Variants in ABL2 observed in about 807,000 individuals in gnomAD.
ABL2 encodes the protein tyrosine-protein kinase ABL2.
Under a neutral mutation model 107.7 loss-of-function variants are expected in ABL2, and 49 were observed. The ratio of observed to expected loss-of-function variants is 0.45; its 90% CI spans 0.36 to 0.58. The LOEUF is 0.58. Among genes scored for constraint, ABL2 ranks in the 20% least tolerant of loss-of-function variants. ABL2 has a pLI of 0.00. For synonymous variants in ABL2, 549 were observed against 548.6 expected, an observed-to-expected ratio of 1.00 and a Z score of -0.01; for missense variants, 1,245 against 1,457.0, an observed-to-expected ratio of 0.85 and a Z score of 2.37.
At chr1:179,188,301 G>A (rs2102814622) in intron 1 of ABL2, among the ~76,000 whole-genome samples, 1 of 152,254 alleles carries the variant, frequency 6.6e-6, no homozygotes, top group Non-Finnish European at 1.5e-5. Flanking sequence ...CAGCACTGTG[G>A]GAAGCCAAGC....
chr1:179,161,326 T>C (rs541418811), intron 1 of ABL2, among the ~76,000 whole-genome samples: 2 of 145,478 alleles, frequency 1.4e-5, no homozygotes, highest in East Asian at 4.0e-4. Flanking sequence ...AAGACTAGCC[T>C]GGACAACACA....
chr1:179,171,112 G>A (rs945405638), intron 1 of ABL2, among the ~76,000 whole-genome samples: 1 of 152,198 alleles, frequency 6.6e-6, no homozygotes, highest in African/African-American at 2.4e-5. Context: ...AATAAAAACA[G>A]AAATCCTCAT....
chr1:179,222,670 T>C (rs540712979), intron 1 of ABL2, among the ~76,000 whole-genome samples: 1 of 152,236 alleles, frequency 6.6e-6, no homozygotes, highest in Admixed American at 6.5e-5. Context: ...ATTACCAGCA[T>C]GAGCCACCGC....
intron 1 of ABL2, among the ~76,000 whole-genome samples, chr1:179,181,806 A>G (rs1456442783): frequency 6.6e-6 from 1 of 151,746 alleles, no homozygotes; most frequent in Non-Finnish European, 1.5e-5. Context: ...TTTGAGACAG[A>G]GTCTCACTCT....
chr1:179,176,278 A>C (rs1015854482), intron 1 of ABL2, among the ~76,000 whole-genome samples: 5 of 152,174 alleles, frequency 3.3e-5, no homozygotes, highest in African/African-American at 1.2e-4. Context: ...TTGATAGCAC[A>C]ACAGGGTGAC....
intron 1 of ABL2, among the ~76,000 whole-genome samples, chr1:179,141,661 C>G (rs938737497): frequency 1.3e-5 from 2 of 152,180 alleles, no homozygotes; most frequent in Admixed American, 6.5e-5. Context: ...GTTTTACGGT[C>G]TTTTTGGTTG....
chr1:179,106,026 C>T lies in ABL2; in HGVS notation c.*1692G>A, dbSNP rs1390373505. 1.8e-5 allele frequency: 4 copies of T among 218,756 alleles called. No individual in the cohort carries two copies. The highest frequency in any genetic ancestry group is 3.7e-5 in the Non-Finnish European group (4 of 109,016). The allele number at this position is 218,756 out of a possible 1,614,324, so 13.6% of individuals were successfully genotyped here. ...ATTAAGAGATGAGGCTGTGGTTTGACAGTGTATCAATGACAGAGCCAGAAG... is the reference window on the plus strand; with the variant it reads ...ATTAAGAGATGAGGCTGTGGTTTGATAGTGTATCAATGACAGAGCCAGAAG... On this transcript the variant is annotated 3_prime_UTR_variant, in exon 12 of 12. Transcript: ENST00000502732.
At chr1:179,213,315 T>C (rs781460640) in intron 1 of ABL2, among the ~76,000 whole-genome samples, 4 of 152,064 alleles carry the variant, frequency 2.6e-5, no homozygotes, top group African/African-American at 7.2e-5. Context: ...TTTACGCTTA[T>C]TTTTATTTTT....
intron 1 of ABL2, among the ~76,000 whole-genome samples, chr1:179,224,041 G>A (rs1663033159): frequency 7.0e-6 from 1 of 143,872 alleles, no homozygotes; most frequent in Non-Finnish European, 1.5e-5. Context: ...AGAGGTGAGA[G>A]GATCACTTGA....
intron 1 of ABL2, among the ~76,000 whole-genome samples, chr1:179,222,757 C>T (rs767044633): frequency 6.6e-6 from 1 of 151,790 alleles, no homozygotes; most frequent in Non-Finnish European, 1.5e-5. Flanking sequence ...CATGTCAGAT[C>T]CTTTAAAGAT....
chr1:179,114,029 C>T (rs867464940), intron 9 of ABL2, among the ~76,000 whole-genome samples: 4 of 151,686 alleles, frequency 2.6e-5, no homozygotes, highest in Admixed American at 6.6e-5. Context: ...CTAAGGCGGG[C>T]GCATCACTTG....
intron 1 of ABL2, among the ~76,000 whole-genome samples, chr1:179,224,820 G>A (rs1663100778): frequency 6.8e-6 from 1 of 146,582 alleles, no homozygotes; most frequent in South Asian, 2.1e-4. Flanking sequence ...TTTGAGACCA[G>A]CCTGAGCAAC....
intron 3 of ABL2, among the ~76,000 whole-genome samples, chr1:179,129,737 G>A (rs1018129125): frequency 2.6e-5 from 4 of 151,076 alleles, no homozygotes; most frequent in East Asian, 1.9e-4. Flanking sequence ...CAAATTTTAC[G>A]TAAAATGTTC....
chr1:179,107,774 C>T lies in ABL2; in HGVS notation c.3493G>A (p.Val1165Ile). 1 of 1,614,210 alleles carries T rather than the reference C, an allele frequency of 6.2e-7. No individual in the cohort carries two copies. The highest frequency in any genetic ancestry group is 8.5e-7 in the Non-Finnish European group (1 of 1,180,042). The change falls in exon 12 of 12, where the codon GTC becomes ATC. Residue 1165 changes from valine to isoleucine, a missense_variant. This residue lies in a region of ABL2 where 761 missense variants were observed against 766.4 expected (regional missense o/e 0.99). Transcript: ENST00000502732. ...ACACATGACAATAAGTTATTAAGGA[C>T]AGGGTTTGTCCCGGGCACACCAGCA... ...AAAGVPGTNPVLNNLLSCVQE... is the reference protein window; with the variant it reads ...AAAGVPGTNPILNNLLSCVQE...
intron 3 of ABL2, among the ~76,000 whole-genome samples, chr1:179,129,149 T>C (rs1285529388): frequency 6.6e-6 from 1 of 152,198 alleles, no homozygotes; most frequent in Non-Finnish European, 1.5e-5. Flanking sequence ...AAATTTGGCA[T>C]TCTGTGGATT....
chr1:179,196,146 C>T (rs1661295173), intron 1 of ABL2, among the ~76,000 whole-genome samples: 2 of 152,190 alleles, frequency 1.3e-5, no homozygotes, highest in Non-Finnish European at 2.9e-5. Flanking sequence ...GCAGACCTCG[C>T]TAAGCATATC....
chr1:179,140,473 TTTAC>T (rs1417386710), intron 1 of ABL2, among the ~76,000 whole-genome samples: 3 of 152,218 alleles, frequency 2.0e-5, no homozygotes, highest in Admixed American at 6.5e-5. Flanking sequence ...TAGTGTATAA[TTTAC>T]TTATTTATTA....
At chr1:179,130,723 A>AT (rs1006826497) in intron 3 of ABL2, among the ~76,000 whole-genome samples, 2 of 114,568 alleles carry the variant, frequency 1.7e-5, no homozygotes, top group African/African-American at 8.2e-5. Flanking sequence ...ATCATTATTG[A>AT]TTTTGTGTGT....
rs1652949235 is a variant in ABL2, at chr1:179,099,768, T to C, written c.*7950A>G. On this transcript the variant is annotated 3_prime_UTR_variant, in exon 12 of 12. Coordinates refer to ENST00000502732, the MANE Select transcript of ABL2 (RefSeq NM_007314.4). ...AAGTTCTGTCAACCACCATGAAATG[T>C]TTAAACTTATTTTTACTAAGCGAGC... 4.3e-6 allele frequency: 1 copy of C among 231,052 alleles called. No individual in the cohort carries two copies. Among genetic ancestry groups the C allele is most frequent in the Non-Finnish European group, 8.6e-6 (1 of 116,806 alleles). The allele number at this position is 231,052 out of a possible 1,614,324, so 14.3% of individuals were successfully genotyped here. A position where few individuals can be genotyped will look rare whatever the true frequency, so the allele number is the denominator to read the frequency against.
Sources: allele counts gnomAD v4.1 joint callset (sites outside exome capture counted in the v4.1 genomes callset), GRCh38; gene constraint gnomAD v4.1.1; regional missense constraint gnomAD v4.1.1; transcripts MANE v1.5; gene names NCBI Gene and HGNC (gene_info 2026-07-23, HGNC 2026-07-21).